The following PHACTR1 variants were observed in gnomAD, a reference collection of about 807,000 sequenced individuals.
The protein encoded by PHACTR1 is phosphatase and actin regulator 1.
In PHACTR1, 16 loss-of-function variants were observed where a neutral mutation model predicts 69.2. That is an observed-to-expected ratio of 0.23 (90% CI 0.16 to 0.35). PHACTR1 has a LOEUF of 0.35. Ranked by LOEUF, PHACTR1 falls within the 10% of genes least tolerant of loss-of-function variation. The pLI is 1.00. For synonymous variants in PHACTR1, 312 were observed against 284.5 expected (o/e 1.10, Z -0.97); for missense variants, 510 against 734.7 (o/e 0.69, Z 3.54).
intron 4 of PHACTR1, among the ~76,000 whole-genome samples, chr6:12,860,004 C>CATT (rs1554153463): frequency 5.0e-4 from 75 of 151,436 alleles, no homozygotes; most frequent in African/African-American, 1.1e-3. Flanking sequence ...TCATCATCAT[C>CATT]ATTATTATTA....
intron 4 of PHACTR1, among the ~76,000 whole-genome samples, chr6:12,915,528 A>G (rs944280445): frequency 6.6e-6 from 1 of 151,176 alleles, no homozygotes; most frequent in Non-Finnish European, 1.5e-5. Flanking sequence ...AAAGAAAAAA[A>G]AAAAAAACAG....
At chr6:12,972,629 CCTTTCTTTCTTT>C (rs66541500) in intron 4 of PHACTR1, among the ~76,000 whole-genome samples, 4 of 118,918 alleles carry the variant, frequency 3.4e-5, no homozygotes, top group Non-Finnish European at 5.2e-5. Flanking sequence ...CACTCTAACT[CCTTTCTTTCTTT>C]CTTTCTTTCT....
At chr6:12,726,580 C>A (rs1762823683) in intron 3 of PHACTR1, among the ~76,000 whole-genome samples, 1 of 152,178 alleles carries the variant, frequency 6.6e-6, no homozygotes. Context: ...ACGTTGAGAA[C>A]CACTCACTGG....
At chr6:12,810,323 GTTGTTTGTTTGT>G (rs3036465) in intron 4 of PHACTR1, among the ~76,000 whole-genome samples, 43 of 151,994 alleles carry the variant, frequency 2.8e-4, no homozygotes, top group Admixed American at 7.9e-4. Context: ...TGGTTGGTTT[GTTGTTTGTTTGT>G]TTGTTTGTTT....
intron 5 of PHACTR1, among the ~76,000 whole-genome samples, chr6:13,073,894 A>T (rs1228947627): frequency 6.9e-6 from 1 of 145,454 alleles, no homozygotes; most frequent in African/African-American, 2.6e-5. Context: ...TTTTTCTGAG[A>T]TGGAGTCTTG....
chr6:13,122,739 T>C (rs1282111712), intron 5 of PHACTR1, among the ~76,000 whole-genome samples: 1 of 152,238 alleles, frequency 6.6e-6, no homozygotes, highest in Admixed American at 6.5e-5. Flanking sequence ...ATAATTCCCT[T>C]AGAGAGTACA....
At chr6:12,968,350 T>C (rs1793746681) in intron 4 of PHACTR1, among the ~76,000 whole-genome samples, 1 of 152,170 alleles carries the variant, frequency 6.6e-6, no homozygotes, top group South Asian at 2.1e-4. Flanking sequence ...AGCAAAATTC[T>C]CTTTCTTCCT....
chr6:13,178,496 A>C lies in PHACTR1; in HGVS notation c.497-4023A>C, dbSNP rs1393383897. Among the ~76,000 whole-genome samples, 4 of 152,254 alleles carry C rather than the reference A, an allele frequency of 2.6e-5. No homozygotes were observed. The East Asian group carries it at 7.7e-4, about 29-fold the overall frequency. On this transcript the variant is annotated intron_variant, in intron 6 of 14. Transcript: ENST00000332995. ...TCACCCAAGGACTTATTAGATGTGCACATTCTTGGGTCTCACCCAGAAACT... is the reference window on the plus strand; with the variant it reads ...TCACCCAAGGACTTATTAGATGTGCCCATTCTTGGGTCTCACCCAGAAACT...
At chr6:12,854,876 A>T (rs775101117) in intron 4 of PHACTR1, among the ~76,000 whole-genome samples, 34 of 152,218 alleles carry the variant, frequency 2.2e-4, no homozygotes, top group Admixed American at 3.9e-4. Flanking sequence ...ATTATTAAAA[A>T]GTCAAAAAAT....
chr6:12,722,205 C>T (rs1490013245), intron 3 of PHACTR1, among the ~76,000 whole-genome samples: 1 of 152,168 alleles, frequency 6.6e-6, no homozygotes, highest in South Asian at 2.1e-4. Context: ...GTGATTATTG[C>T]ATTTTTGAGT....
intron 6 of PHACTR1, among the ~76,000 whole-genome samples, chr6:13,177,599 G>C (rs1761566110): frequency 6.6e-6 from 1 of 152,176 alleles, no homozygotes. Flanking sequence ...GGTTAACCAT[G>C]AGGATTTGAG....
chr6:12,878,977 A>G (rs1230224286), intron 4 of PHACTR1, among the ~76,000 whole-genome samples: 1 of 152,184 alleles, frequency 6.6e-6, no homozygotes, highest in Non-Finnish European at 1.5e-5. Flanking sequence ...TGCTTTTATC[A>G]ACAGCATTGA....
At chr6:13,034,718 C>A (rs2127699141) in intron 4 of PHACTR1, among the ~76,000 whole-genome samples, 1 of 152,312 alleles carries the variant, frequency 6.6e-6, no homozygotes, top group South Asian at 2.1e-4. Flanking sequence ...CCTTAGCCTG[C>A]CTCGTCTTCC....
chr6:13,148,293 A>G (rs2113418476), intron 5 of PHACTR1, among the ~76,000 whole-genome samples: 1 of 151,946 alleles, frequency 6.6e-6, no homozygotes, highest in South Asian at 2.1e-4. Context: ...ATTTGCCTAT[A>G]TCAATTGCTT....
chr6:13,158,674 C>T (rs1028486615), intron 5 of PHACTR1, among the ~76,000 whole-genome samples: 2 of 152,200 alleles, frequency 1.3e-5, no homozygotes, highest in Non-Finnish European at 2.9e-5. Context: ...TGGTCCCACC[C>T]CGGACCTATG....
chr6:12,958,070 CT>C, intron 4 of PHACTR1: 1 of 952,008 alleles, frequency 1.1e-6, no homozygotes, highest in Non-Finnish European at 1.3e-6. Context: ...ATGTTATTGC[CT>C]TTTGTTTATT....
At chr6:13,261,581 T>C (rs1381469043) in intron 10 of PHACTR1, among the ~76,000 whole-genome samples, 2 of 152,234 alleles carry the variant, frequency 1.3e-5, no homozygotes, top group African/African-American at 4.8e-5. Flanking sequence ...TCTGTGCACC[T>C]GCTCAGATTC....
In PHACTR1 at chr6:13,096,967, T is replaced by C. The variant is rs567242248; in HGVS notation, c.415+43438T>C. Among the ~76,000 whole-genome samples the C allele has an allele frequency of 1.4e-4, 22 of 152,336 alleles. No individual in the cohort carries two copies. The South Asian group carries it at 4.6e-3, about 32-fold the overall frequency. ...ACATAGAAAGGCAGCATAGTATAAG[T>C]TTTTAAATGTATAGTGAATAATTAA... On this transcript the variant is annotated intron_variant, in intron 5 of 14. Coordinates refer to ENST00000332995, the MANE Select transcript of PHACTR1 (RefSeq NM_030948.6).
chr6:13,047,828 G>A (rs140503665), intron 4 of PHACTR1, among the ~76,000 whole-genome samples: 113 of 152,132 alleles, frequency 7.4e-4, no homozygotes, highest in African/African-American at 2.7e-3. Flanking sequence ...CTTTGCACAA[G>A]CCTTTTGAAA....
Sources: allele counts gnomAD v4.1 joint callset (sites outside exome capture counted in the v4.1 genomes callset), GRCh38; gene constraint gnomAD v4.1.1; transcripts MANE v1.5; gene names NCBI Gene and HGNC (gene_info 2026-07-23, HGNC 2026-07-21).